Variants in ACSM1 observed in about 807,000 individuals in gnomAD.
The protein encoded by ACSM1 is acyl-coenzyme A synthetase ACSM1, mitochondrial.
In ACSM1, 79 loss-of-function variants were observed where a neutral mutation model predicts 75.8. The observed-to-expected ratio is 1.04, with a 90% CI of 0.87 to 1.26. The LOEUF is 1.26. Among genes scored for constraint, ACSM1 ranks in the 50% most tolerant of loss-of-function variants. The probability of loss-of-function intolerance (pLI) is 0.00; values close to 1 mark genes in which losing one functional copy is unlikely to be tolerated. For missense variants in ACSM1, 676 were observed against 720.1 expected (o/e 0.94, Z 0.70); for synonymous variants, 279 against 265.8 (o/e 1.05, Z -0.48).
At chr16:20,686,669 C>T (rs994233454) in intron 2 of ACSM1, among the ~76,000 whole-genome samples, 3 of 151,986 alleles carry the variant, frequency 2.0e-5, no homozygotes, top group African/African-American at 7.3e-5. Context: ...AAATATAGAG[C>T]CAGGCGAGGT....
chr16:20,627,139 G>A lies in ACSM1; in HGVS notation c.1427+50C>T, dbSNP rs1673070. ...AAAATGTCTAGGTAAGCAAAATTCC[G>A]TGAGGCATGTGACGGCAACAACAGC... On this transcript the variant is annotated intron_variant, in intron 11 of 13. Transcript: ENST00000520010. 145 of 1,475,340 alleles carry A rather than the reference G, an allele frequency of 9.8e-5. 2 individuals carry two copies. The East Asian group carries it at 2.2e-3, about 22-fold the overall frequency. 91.4% of individuals were successfully genotyped at this position (1,475,340 alleles called of 1,614,324 possible).
chr16:20,673,211 T>G (rs529415194), intron 4 of ACSM1, among the ~76,000 whole-genome samples: 82 of 151,626 alleles, frequency 5.4e-4, no homozygotes, highest in Non-Finnish European at 9.9e-4. Flanking sequence ...CAGTCTCTCT[T>G]GTTTCTCAGG....
intron 4 of ACSM1, among the ~76,000 whole-genome samples, chr16:20,672,885 A>C (rs1288963183): frequency 7.6e-6 from 1 of 131,066 alleles, no homozygotes; most frequent in African/African-American, 3.0e-5. Flanking sequence ...ATAAATATAT[A>C]TAATATATAA....
chr16:20,647,668 AATTACGATATCTAGTAATAATG>A (rs1331477173), intron 7 of ACSM1, among the ~76,000 whole-genome samples: 1 of 152,118 alleles, frequency 6.6e-6, no homozygotes, highest in African/African-American at 2.4e-5. Context: ...TTATGCTACT[AATTACGATATCTAGTAATAATG>A]ATAGTAATAA....
rs148646745 is a variant in ACSM1, at chr16:20,682,268, C to G, written c.599G>C (p.Arg200Pro). Residue 200 changes from arginine to proline, a missense_variant, in exon 4 of 14, where the codon CGA (arginine) becomes CCA (proline). By Grantham distance (103) the Arg-to-Pro change is moderately radical. Coordinates refer to ENST00000520010, the MANE Select transcript of ACSM1 (RefSeq NM_001318890.3). ...ACCAGAGACTCACTTAACCAGCGAT[C>G]GGAAGTCCAGCCACCCTTCACGGCT... The part of the protein sequence containing the change: ...DHSREGWLDF[R>P]SLVKSASPEH... The G allele has an allele frequency of 6.2e-7, 1 of 1,613,018 alleles. No homozygotes were observed. Among genetic ancestry groups the G allele is most frequent in the South Asian group, 1.1e-5 (1 of 91,010 alleles).
chr16:20,644,136 C>T lies in ACSM1; in HGVS notation c.993-3552G>A, dbSNP rs1349656920. On this transcript the variant is annotated intron_variant, in intron 7 of 13. Transcript: ENST00000520010. Reference sequence around the variant, plus strand: ...GACCCAGAAGCCCAGTTGGCTTCAACTCTCAAGACCACTGACAGCCAGCAG... The same window carrying T: ...GACCCAGAAGCCCAGTTGGCTTCAATTCTCAAGACCACTGACAGCCAGCAG... Among the ~76,000 whole-genome samples the T allele has an allele frequency of 2.6e-5, 4 of 152,242 alleles. No individual in the cohort carries two copies. The East Asian group carries it at 7.7e-4, about 29-fold the overall frequency.
At position 20,627,407 on chromosome 16, in the gene ACSM1, CCT is replaced by C. The variant is rs1165492917; in HGVS notation, c.1300-93_1300-92del. The C allele has an allele frequency of 1.1e-5, 16 of 1,414,876 alleles. No homozygotes were observed. In the African/African-American group the frequency reaches 2.1e-4, roughly 18 times the overall value. 87.6% of individuals were successfully genotyped at this position (1,414,876 alleles called of 1,614,324 possible). On this transcript the variant is annotated intron_variant, in intron 10 of 13. Transcript: ENST00000520010. ...GGTTCCAATCTGGGTTTGAATTCTG[CCT>C]CTGTTTCTACTCGGTACCTGGGCAA... is the stretch of plus-strand genomic sequence containing the variant.
Position 20,636,814 on chromosome 16 carries a change from C to A in ACSM1, c.1224G>T (p.Leu408=). The A allele has an allele frequency of 6.2e-7, 1 of 1,613,904 alleles. No homozygotes were observed. Among genetic ancestry groups the A allele is most frequent in the Non-Finnish European group, 8.5e-7 (1 of 1,179,974 alleles). Residue 408 remains leucine (L), a synonymous_variant, in exon 10 of 14, where the codon CTG becomes CTT. Coordinates refer to ENST00000520010, the MANE Select transcript of ACSM1 (RefSeq NM_001318890.3). ...VQVIDDKGSI[L]PPNTEGNIGI... ...CAATGTTTCCTTCTGTGTTAGGTGG[C>A]AGGATGCTGCCCTTGTCATCAATGA...
chr16:20,633,947 A>C (rs1475860089), intron 10 of ACSM1, among the ~76,000 whole-genome samples: 4 of 152,180 alleles, frequency 2.6e-5, no homozygotes, highest in Non-Finnish European at 5.9e-5. Context: ...AAGGAGAATA[A>C]AGTTGGAAAA....
At chr16:20,649,639 C>T (rs2018541978) in intron 7 of ACSM1, among the ~76,000 whole-genome samples, 1 of 152,172 alleles carries the variant, frequency 6.6e-6, no homozygotes, top group Non-Finnish European at 1.5e-5. Flanking sequence ...CTGAACTTTT[C>T]CTTTGATCCC....
chr16:20,666,529 A>T (rs567997010), intron 6 of ACSM1, among the ~76,000 whole-genome samples: 1 of 151,544 alleles, frequency 6.6e-6, no homozygotes, highest in East Asian at 2.0e-4. Flanking sequence ...AAGAATCAAT[A>T]TTGTTAACAT....
At chr16:20,695,250 C>A (rs73530599) in intron 1 of ACSM1, among the ~76,000 whole-genome samples, 1 of 152,136 alleles carries the variant, frequency 6.6e-6, no homozygotes, top group Non-Finnish European at 1.5e-5. Context: ...ACCCACATAA[C>A]TTGGGGCAAT....
intron 1 of ACSM1, among the ~76,000 whole-genome samples, chr16:20,696,886 T>C (rs889779519): frequency 3.9e-5 from 6 of 152,218 alleles, no homozygotes; most frequent in African/African-American, 1.2e-4. Context: ...GTCTCTGTTG[T>C]CTAGCAGCTG....
chr16:20,629,634 G>A (rs1259544369), intron 10 of ACSM1, among the ~76,000 whole-genome samples: 1 of 152,176 alleles, frequency 6.6e-6, no homozygotes, highest in Non-Finnish European at 1.5e-5. Flanking sequence ...GGAAGGAATT[G>A]GCTAAGTGGA....
In ACSM1 at chr16:20,661,877, GA is replaced by G; in HGVS notation, c.913-5del. The G allele has an allele frequency of 6.3e-7, 1 of 1,594,994 alleles. No individual in the cohort carries two copies. Among genetic ancestry groups the G allele is most frequent in the Non-Finnish European group, 8.6e-7 (1 of 1,164,424 alleles). On this transcript the variant is annotated splice_region_variant and splice_polypyrimidine_tract_variant and intron_variant, in intron 6 of 13. Transcript: ENST00000520010. ...TAATGGGGTATTTCAACAATGTCTG[GA>G]AAGGGAAGAGAGAAGAAATTTTATT...
chr16:20,692,764 T>C (rs1042914190), intron 1 of ACSM1, among the ~76,000 whole-genome samples: 6 of 152,192 alleles, frequency 3.9e-5, no homozygotes, highest in African/African-American at 1.4e-4. Context: ...CAGAGTCTGA[T>C]TGGAAAGTAA....
chr16:20,639,963 T>C (rs1338870813), intron 8 of ACSM1, among the ~76,000 whole-genome samples: 1 of 152,206 alleles, frequency 6.6e-6, no homozygotes, highest in East Asian at 1.9e-4. Flanking sequence ...CCGCCACAAT[T>C]TTCCCACTAA....
intron 7 of ACSM1, among the ~76,000 whole-genome samples, chr16:20,656,819 G>A (rs909049632): frequency 6.6e-6 from 1 of 151,666 alleles, no homozygotes; most frequent in Non-Finnish European, 1.5e-5. Context: ...GGAAGAGGTG[G>A]GCATGTAAGA....
intron 7 of ACSM1, among the ~76,000 whole-genome samples, chr16:20,651,347 G>A (rs2018634988): frequency 6.6e-6 from 1 of 152,136 alleles, no homozygotes; most frequent in African/African-American, 2.4e-5. Context: ...TATATGAAGA[G>A]GCTGGGCCCA....
Sources: allele counts gnomAD v4.1 joint callset (sites outside exome capture counted in the v4.1 genomes callset), GRCh38; gene constraint gnomAD v4.1.1; transcripts MANE v1.5; gene names NCBI Gene and HGNC (gene_info 2026-07-23, HGNC 2026-07-21).